Variants in DYRK1A observed in about 807,000 individuals in gnomAD.
DYRK1A encodes dual specificity tyrosine-phosphorylation-regulated kinase 1A.
A neutral mutation model predicts 79.7 loss-of-function variants in DYRK1A; 9 were observed. The ratio of observed to expected loss-of-function variants is 0.11; its 90% CI spans 0.07 to 0.20. DYRK1A has a LOEUF of 0.20. Ranked by LOEUF, DYRK1A falls within the 10% of genes least tolerant of loss-of-function variation. The probability of loss-of-function intolerance (pLI) is 1.00; values close to 1 mark genes in which losing one functional copy is unlikely to be tolerated. For missense variants in DYRK1A, 622 were observed against 956.0 expected (o/e 0.65, Z 4.61); for synonymous variants, 349 against 329.7 (o/e 1.06, Z -0.63).
At chr21:37,486,423 T>A (rs764232124) in intron 5 of DYRK1A, 44 bp from the exon 6 acceptor site, 1 of 1,368,276 alleles carries the variant, frequency 7.3e-7, no homozygotes, top group Non-Finnish European at 9.6e-7. Context: ...ATTGTGAAAT[T>A]TTTGCAATTA....
chr21:37,366,011 G>C (rs1330813561), upstream of DYRK1A: 1 of 152,132 alleles, frequency 6.6e-6, no homozygotes, highest in Non-Finnish European at 1.5e-5. Flanking sequence ...GCAGCGTCCG[G>C]AATTCCTGCG....
chr21:37,458,407 A>G (rs978192888), intron 2 of DYRK1A, among the ~76,000 whole-genome samples: 2 of 152,150 alleles, frequency 1.3e-5, no homozygotes, highest in Admixed American at 6.5e-5. Flanking sequence ...TTTAACCACC[A>G]TTTATTAAAA....
intron 2 of DYRK1A, among the ~76,000 whole-genome samples, chr21:37,452,555 T>C (rs1452754417): frequency 6.6e-6 from 1 of 152,126 alleles, no homozygotes. Context: ...TTTGGAATCT[T>C]TTCTATAGCA....
intron 2 of DYRK1A, among the ~76,000 whole-genome samples, chr21:37,460,093 C>T (rs1045127616): frequency 4.0e-5 from 6 of 149,800 alleles, no homozygotes; most frequent in Admixed American, 1.3e-4. Flanking sequence ...AGATTTGTTG[C>T]TTTCTTTAGC....
At chr21:37,483,729 C>T (rs1387420312) in intron 5 of DYRK1A, among the ~76,000 whole-genome samples, 4 of 152,012 alleles carry the variant, frequency 2.6e-5, no homozygotes, top group Non-Finnish European at 5.9e-5. Flanking sequence ...ACTACAGGCA[C>T]GTGCCACCAT....
In DYRK1A at chr21:37,408,714, A is replaced by G. The variant is rs1602424800; in HGVS notation, c.-76-11585A>G. ...TTGCAAGTATCACTTAACTGTGCTT[A>G]CTTATCTCATCTTCAATATTTACAA... On this transcript the variant is annotated intron_variant, in intron 1 of 11. Coordinates refer to ENST00000647188, the MANE Select transcript of DYRK1A (RefSeq NM_001347721.2). Among the ~76,000 whole-genome samples, 4 of 152,326 alleles carry G rather than the reference A, an allele frequency of 2.6e-5. No individual in the cohort carries two copies. In the South Asian group the frequency reaches 8.3e-4, roughly 32 times the overall value.
At chr21:37,417,157 C>T (rs2050358035) in intron 1 of DYRK1A, among the ~76,000 whole-genome samples, 1 of 152,076 alleles carries the variant, frequency 6.6e-6, no homozygotes, top group Non-Finnish European at 1.5e-5. Flanking sequence ...ATTTCAGTCC[C>T]AGTCTTACAT....
In DYRK1A at chr21:37,478,261, T is replaced by G. The variant is rs1049766; in HGVS notation, c.261T>G (p.Leu87=). The G allele has an allele frequency of 1.9e-6, 3 of 1,614,114 alleles. No individual in the cohort carries two copies. The South Asian group carries it at 3.3e-5, about 18-fold the overall frequency. ...RDPATAPLRK[L]SVDLIKTYKH... is the part of the protein sequence containing the mutation. The stretch of plus-strand genomic sequence containing the variant: ...CAGCAACTGCTCCCCTGAGAAAACT[T>G]TCTGTTGACTTGATCAAAACATACA... The change falls in exon 4 of 12, where the codon CTT becomes CTG. Residue 87 remains leucine, a synonymous_variant. Transcript: ENST00000647188.
chr21:37,441,337 GA>G (rs1387431979), intron 2 of DYRK1A, among the ~76,000 whole-genome samples: 2 of 152,044 alleles, frequency 1.3e-5, no homozygotes, highest in Non-Finnish European at 2.9e-5. Flanking sequence ...TTCCTGGTCT[GA>G]AATCTCTGCT....
intron 3 of DYRK1A, among the ~76,000 whole-genome samples, chr21:37,476,199 C>T (rs952825398): frequency 1.3e-5 from 2 of 152,112 alleles, no homozygotes; most frequent in African/African-American, 4.8e-5. Context: ...TTAACTGGCT[C>T]TGGGACCTTG....
chr21:37,444,562 C>T (rs566550784), intron 2 of DYRK1A, among the ~76,000 whole-genome samples: 2 of 152,198 alleles, frequency 1.3e-5, no homozygotes, highest in South Asian at 4.2e-4. Context: ...GAGGTAAGAA[C>T]AGAAAAGATG....
intron 2 of DYRK1A, among the ~76,000 whole-genome samples, chr21:37,431,358 G>A (rs1375827650): frequency 6.6e-6 from 1 of 152,218 alleles, no homozygotes; most frequent in Non-Finnish European, 1.5e-5. Flanking sequence ...TGTTTTAAGA[G>A]CTGGGTGGCC....
chr21:37,430,224 A>G, intron 2 of DYRK1A: 2 of 901,472 alleles, frequency 2.2e-6, no homozygotes, highest in Non-Finnish European at 2.7e-6. Context: ...ATGTTCACTT[A>G]CACATCTTTC....
chr21:37,498,650 AAC>A (rs2053347231), intron 9 of DYRK1A, among the ~76,000 whole-genome samples: 1 of 152,134 alleles, frequency 6.6e-6, no homozygotes, highest in African/African-American at 2.4e-5. Flanking sequence ...GGCTGCAGGG[AAC>A]AGTCTTTTAT....
At chr21:37,446,110 A>G (rs1251911665) in intron 2 of DYRK1A, among the ~76,000 whole-genome samples, 1 of 152,194 alleles carries the variant, frequency 6.6e-6, no homozygotes, top group African/African-American at 2.4e-5. Flanking sequence ...TGTGCAGGAA[A>G]ATGTATTGGA....
At chr21:37,485,015 T>C (rs2052804481) in intron 5 of DYRK1A, among the ~76,000 whole-genome samples, 1 of 152,198 alleles carries the variant, frequency 6.6e-6, no homozygotes, top group Non-Finnish European at 1.5e-5. Flanking sequence ...TTTCTCCATT[T>C]CCGTAGCCAA....
intron 1 of DYRK1A, chr21:37,419,163 T>G (rs2050415047): frequency 6.6e-6 from 1 of 152,210 alleles, no homozygotes; most frequent in African/African-American, 2.4e-5. Flanking sequence ...ATTGCAAATC[T>G]TAGTGTGAAT....
intron 2 of DYRK1A, among the ~76,000 whole-genome samples, chr21:37,440,153 T>TTTTTTTTTTTTTTTTTTTTTTTG (rs61289767): frequency 8.2e-6 from 1 of 122,050 alleles, no homozygotes; most frequent in Non-Finnish European, 1.7e-5. Flanking sequence ...TTTTTTTTTT[T>TTTTTTTTTTTTTTTTTTTTTTTG]GAGACGGAGT....
At chr21:37,442,191 G>A (rs983530549) in intron 2 of DYRK1A, among the ~76,000 whole-genome samples, 8 of 151,878 alleles carry the variant, frequency 5.3e-5, no homozygotes, top group African/African-American at 9.7e-5. Flanking sequence ...CCTTAGTTTA[G>A]TTTTCTTTGT....
Sources: gnomAD v4.1 joint callset for allele counts (sites outside exome capture counted in the v4.1 genomes callset) on GRCh38, gnomAD v4.1.1 for gene constraint, MANE v1.5 for transcripts, NCBI Gene and HGNC (gene_info 2026-07-23, HGNC 2026-07-21) for gene names.